Variants in ANKRD50 observed in about 807,000 individuals in gnomAD.
The protein encoded by ANKRD50 is ankyrin repeat domain 50, also known as ankyrin repeat domain-containing protein 50.
ANKRD50 carries 40 observed loss-of-function variants against 112.0 expected under a neutral mutation model. The ratio of observed to expected loss-of-function variants is 0.36; its 90% CI spans 0.28 to 0.46. The LOEUF (loss-of-function observed/expected upper bound fraction) is 0.46. ANKRD50 is among the 20% of genes least tolerant of loss of function. ANKRD50 has a pLI of 1.00. For missense variants in ANKRD50, 1,487 were observed against 1,701.7 expected, an observed-to-expected ratio of 0.87 and a Z score of 2.22; for synonymous variants, 613 against 619.1, an observed-to-expected ratio of 0.99 and a Z score of 0.15.
At chr4:124,689,938 G>A (rs116790904) in intron 2 of ANKRD50, among the ~76,000 whole-genome samples, 2,943 of 152,114 alleles carry the variant, frequency 0.019, 45 homozygotes, top group Middle Eastern at 0.048. Context: ...TTTTTAAAAT[G>A]TGTATTCTAT....
intron 2 of ANKRD50, among the ~76,000 whole-genome samples, chr4:124,701,360 C>G (rs1342821499): frequency 2.0e-5 from 3 of 152,054 alleles, no homozygotes; most frequent in Non-Finnish European, 4.4e-5. Context: ...AAAATAGAGA[C>G]AAATGAAAGA....
At chr4:124,705,268 T>C (rs1184617660) in intron 2 of ANKRD50, among the ~76,000 whole-genome samples, 1 of 152,186 alleles carries the variant, frequency 6.6e-6, no homozygotes, top group Non-Finnish European at 1.5e-5. Context: ...GTCTCCCAGT[T>C]TGCACTCTTT....
Position 124,669,483 on chromosome 4 carries a change from G to C in ANKRD50, c.3794C>G (p.Thr1265Ser), listed in dbSNP as rs1395446751. ...TGATTTCCCCCCTTTACTTGCTTTA[G>C]TTGACTTCAAACTGGGCTTTACTTG... ...WSQVKPSLKSTKASKGGKSEN... is the reference protein window; with the variant it reads ...WSQVKPSLKSSKASKGGKSEN... The change falls in exon 4 of 5, where the codon ACT becomes AGT. Residue 1265 changes from threonine to serine, a missense_variant. This residue lies in a region of ANKRD50 where 441 missense variants were observed against 432.2 expected (regional missense o/e 1.02). Coordinates refer to ENST00000504087, the MANE Select transcript of ANKRD50 (RefSeq NM_020337.3). 1 of 1,612,716 alleles carries C rather than the reference G, an allele frequency of 6.2e-7. No individual in the cohort carries two copies. The highest frequency in any genetic ancestry group is 1.7e-5 in the Admixed American group (1 of 59,732).
At position 124,679,055 on chromosome 4, in the gene ANKRD50, C is replaced by T. The variant is rs541984603; in HGVS notation, c.513-150G>A. 300 of 634,232 alleles carry T rather than the reference C, an allele frequency of 4.7e-4. 1 individual carries two copies. The African/African-American group carries it at 5.0e-3, about 11-fold the overall frequency. The allele number at this position is 634,232 out of a possible 1,614,324, so 39.3% of individuals were successfully genotyped here. Reference sequence around the variant, plus strand: ...ATATTATACAAGTTTCAATTCCTTACTTTAAGTACAACATTGGTCCCAAAT... The same window carrying T: ...ATATTATACAAGTTTCAATTCCTTATTTTAAGTACAACATTGGTCCCAAAT... On this transcript the variant is annotated intron_variant, in intron 2 of 4. Coordinates refer to ENST00000504087, the MANE Select transcript of ANKRD50 (RefSeq NM_020337.3).
chr4:124,706,794 C>G lies in ANKRD50; in HGVS notation c.512+3206G>C, dbSNP rs1260100920. ...TACCAAACATCATCGCTTAGCCTAC[C>G]CTACCTTAAGCATGCTCAGAATACT... On this transcript the variant is annotated intron_variant, in intron 2 of 4. Transcript: ENST00000504087. Among the ~76,000 whole-genome samples, 4 of 151,992 alleles carry G rather than the reference C, an allele frequency of 2.6e-5. No individual in the cohort carries two copies. In the East Asian group the frequency reaches 5.8e-4, roughly 22 times the overall value.
intron 4 of ANKRD50, 49 bp from the exon 5 acceptor site, chr4:124,667,563 C>T (rs1730525136): frequency 6.6e-6 from 1 of 151,948 alleles, no homozygotes; most frequent in South Asian, 2.1e-4. Context: ...TATTATACAG[C>T]TACATATCAT....
At position 124,710,474 on chromosome 4, in the gene ANKRD50, G is replaced by C. The variant is rs746196733; in HGVS notation, c.38C>G (p.Ala13Gly). The change falls in exon 2 of 5, where the codon GCT (alanine) becomes GGT (glycine). Residue 13 changes from alanine (A) to glycine (G), a missense_variant. This residue lies in a region of ANKRD50 where 1,046 missense variants were observed against 1,269.5 expected (regional missense o/e 0.82). Transcript: ENST00000504087. ...NPWEEKVCKM[A>G]QTSLLQGKQF... ...CTTCCCTTGCAGTAAACTGGTTTGA[G>C]CCATTTTGCAGACTTTCTCTTCCCA... 1 of 1,613,544 alleles carries C rather than the reference G, an allele frequency of 6.2e-7. No homozygotes were observed. Among genetic ancestry groups the C allele is most frequent in the South Asian group, 1.1e-5 (1 of 91,076 alleles).
chr4:124,711,833 GAATCC>G, intron 1 of ANKRD50, among the ~76,000 whole-genome samples: 1 of 152,212 alleles, frequency 6.6e-6, no homozygotes, highest in East Asian at 1.9e-4. Context: ...AGTAAAATGT[GAATCC>G]TTCCTTCCTC....
intron 4 of ANKRD50, among the ~76,000 whole-genome samples, chr4:124,668,616 C>T (rs912638405): frequency 3.9e-5 from 6 of 152,004 alleles, no homozygotes; most frequent in African/African-American, 1.4e-4. Flanking sequence ...ACTTATTCAA[C>T]AAATTTTTAC....
At chr4:124,693,418 A>C (rs1159151170) in intron 2 of ANKRD50, among the ~76,000 whole-genome samples, 1 of 152,138 alleles carries the variant, frequency 6.6e-6, no homozygotes, top group Non-Finnish European at 1.5e-5. Context: ...GATTTTTCTG[A>C]AATTATTATA....
chr4:124,682,802 A>G (rs1419128674), intron 2 of ANKRD50, among the ~76,000 whole-genome samples: 1 of 152,122 alleles, frequency 6.6e-6, no homozygotes, highest in Non-Finnish European at 1.5e-5. Context: ...TAGGCAACAT[A>G]TAATTAAATC....
At chr4:124,697,675 C>T (rs1436641359) in intron 2 of ANKRD50, among the ~76,000 whole-genome samples, 1 of 152,112 alleles carries the variant, frequency 6.6e-6, no homozygotes, top group East Asian at 1.9e-4. Flanking sequence ...AATTATGAGC[C>T]AAACAAACCT....
rs572978358 is a variant in ANKRD50, at chr4:124,685,903, A to T, written c.513-6998T>A. 6.6e-5 allele frequency among the ~76,000 whole-genome samples: 10 copies of T among 152,294 alleles called. No homozygotes were observed. In the South Asian group the frequency reaches 1.2e-3, roughly 19 times the overall value. On this transcript the variant is annotated intron_variant, in intron 2 of 4. Coordinates refer to ENST00000504087, the MANE Select transcript of ANKRD50 (RefSeq NM_020337.3). ...TTTTTAAAAAGTGACAGATAAAATT[A>T]TATGTATTTACCATGTATAACATGA... is the stretch of plus-strand genomic sequence containing the variant.
In ANKRD50 at chr4:124,668,943, T is replaced by C. The variant is rs759774796; in HGVS notation, c.*3+41A>G. 2.8e-5 allele frequency: 44 copies of C among 1,545,236 alleles called. No homozygotes were observed. The East Asian group carries it at 9.9e-4, about 35-fold the overall frequency. The stretch of plus-strand genomic sequence containing the variant: ...AAAGAGCATTCCAAGTAGAGGGAAC[T>C]CTACTTTTGTTTTTTACTCTTTATG... On this transcript the variant is annotated intron_variant, in intron 4 of 4. Transcript: ENST00000504087.
At chr4:124,677,930 T>C (rs868811091) in intron 3 of ANKRD50, among the ~76,000 whole-genome samples, 2 of 152,090 alleles carry the variant, frequency 1.3e-5, no homozygotes, top group South Asian at 2.1e-4. Context: ...TTATTTAAAT[T>C]ACTAAACTTT....
chr4:124,669,323 T>C lies in ANKRD50; in HGVS notation c.3954A>G (p.Pro1318=), dbSNP rs1874748. 275,465 of 1,613,614 alleles carry C rather than the reference T, an allele frequency of 0.17. 24,444 individuals carry two copies. Among genetic ancestry groups the C allele is most frequent in the South Asian group, 0.23 (20,514 of 91,036 alleles). Residue 1318 remains proline (P), a synonymous_variant, in exon 4 of 5, where the codon CCA becomes CCG. Transcript: ENST00000504087. ...GAGATTCTGCTGGCATTTGTTTAGG[T>C]GGTGCAGCAGTCCCGGATTTGGCTA... ...GPIAKSGTAA[P]PKQMPAESQC...
At chr4:124,694,159 C>T (rs901233099) in intron 2 of ANKRD50, among the ~76,000 whole-genome samples, 5 of 152,048 alleles carry the variant, frequency 3.3e-5, no homozygotes, top group Non-Finnish European at 7.4e-5. Context: ...TACTTCCAAT[C>T]GGGGAACAAA....
At chr4:124,691,029 G>C (rs1725123677) in intron 2 of ANKRD50, among the ~76,000 whole-genome samples, 1 of 152,118 alleles carries the variant, frequency 6.6e-6, no homozygotes, top group African/African-American at 2.4e-5. Flanking sequence ...GGAATATCAG[G>C]AGGAACAATC....
intron 3 of ANKRD50, among the ~76,000 whole-genome samples, chr4:124,676,980 A>G (rs918179869): frequency 2.0e-5 from 3 of 151,832 alleles, no homozygotes; most frequent in Non-Finnish European, 4.4e-5. Flanking sequence ...CACATACCAC[A>G]TTGACAAATT....
Sources: allele counts gnomAD v4.1 joint callset (sites outside exome capture counted in the v4.1 genomes callset), GRCh38; gene constraint gnomAD v4.1.1; regional missense constraint gnomAD v4.1.1; transcripts MANE v1.5; gene names NCBI Gene and HGNC (gene_info 2026-07-23, HGNC 2026-07-21).